APBA1: variants seen among roughly 807,000 people sequenced by gnomAD.
The protein encoded by APBA1 is amyloid-beta A4 precursor protein-binding family A member 1.
A neutral mutation model predicts 86.6 loss-of-function variants in APBA1; 55 were observed. The ratio of observed to expected loss-of-function variants is 0.64; its 90% CI spans 0.51 to 0.80. The LOEUF (loss-of-function observed/expected upper bound fraction) is 0.80. APBA1 is among the 30% of genes least tolerant of loss of function. The probability of loss-of-function intolerance (pLI) is 0.00; values close to 1 mark genes in which losing one functional copy is unlikely to be tolerated. For missense variants in APBA1, 1,090 were observed against 1,183.0 expected (o/e 0.92, Z 1.15); for synonymous variants, 511 against 493.9 (o/e 1.03, Z -0.46).
chr9:69,635,762 A>G (rs954394705), intron 1 of APBA1, among the ~76,000 whole-genome samples: 16 of 152,216 alleles, frequency 1.1e-4, no homozygotes, highest in African/African-American at 3.9e-4. Flanking sequence ...TCACTATATA[A>G]TGATAAAGGG....
chr9:69,468,963 C>A (rs945325962), intron 4 of APBA1, among the ~76,000 whole-genome samples: 1 of 151,542 alleles, frequency 6.6e-6, no homozygotes, highest in Non-Finnish European at 1.5e-5. Flanking sequence ...CTCCCAGGTT[C>A]AAGGGATCCT....
chr9:69,620,664 G>A (rs912995910), intron 1 of APBA1, among the ~76,000 whole-genome samples: 6 of 152,134 alleles, frequency 3.9e-5, no homozygotes, highest in South Asian at 4.1e-4. Flanking sequence ...GCGACAGAGC[G>A]AGACTCCATC....
intron 1 of APBA1, among the ~76,000 whole-genome samples, chr9:69,615,483 C>G (rs2133985243): frequency 6.6e-6 from 1 of 152,268 alleles, no homozygotes; most frequent in African/African-American, 2.4e-5. Context: ...CTTAAAATGC[C>G]TGGCTTCAAG....
At chr9:69,509,844 G>A (rs1474490128) in intron 2 of APBA1, among the ~76,000 whole-genome samples, 16 of 98,102 alleles carry the variant, frequency 1.6e-4, no homozygotes, top group African/African-American at 3.4e-4. Context: ...AATAGATGAA[G>A]AAAAGGCCTT....
At chr9:69,640,321 C>T (rs538483199) in intron 1 of APBA1, among the ~76,000 whole-genome samples, 27 of 152,046 alleles carry the variant, frequency 1.8e-4, no homozygotes, top group African/African-American at 5.3e-4. Context: ...CCCTCACTCC[C>T]GGGAAATAAA....
intron 1 of APBA1, among the ~76,000 whole-genome samples, chr9:69,541,699 A>G (rs1433733309): frequency 6.6e-6 from 1 of 152,178 alleles, no homozygotes; most frequent in Admixed American, 6.5e-5. Context: ...GAATTACTCA[A>G]TAAGTTAGTA....
At chr9:69,452,395 G>C in intron 8 of APBA1, 94 bp from the exon 9 acceptor site, 1 of 1,269,910 alleles carries the variant, frequency 7.9e-7, no homozygotes, top group Non-Finnish European at 1.1e-6. Context: ...GGCCCTCCTG[G>C]AGTCTGAGGA....
At chr9:69,434,759 A>G (rs1034866633) in intron 11 of APBA1, among the ~76,000 whole-genome samples, 3 of 151,830 alleles carry the variant, frequency 2.0e-5, no homozygotes, top group African/African-American at 7.3e-5. Context: ...GCATTCCAAC[A>G]GATGTTTATT....
chr9:69,576,720 C>A (rs918713944), intron 1 of APBA1, among the ~76,000 whole-genome samples: 1 of 151,632 alleles, frequency 6.6e-6, no homozygotes, highest in Non-Finnish European at 1.5e-5. Context: ...GTAGGGGGAG[C>A]GGGGAGGGAT....
chr9:69,539,740 C>T (rs1836573818), intron 1 of APBA1, among the ~76,000 whole-genome samples: 1 of 152,240 alleles, frequency 6.6e-6, no homozygotes, highest in Non-Finnish European at 1.5e-5. Context: ...CTGCTTTGCA[C>T]TCTCCTTTCC....
At chr9:69,565,562 C>T (rs1837012307) in intron 1 of APBA1, among the ~76,000 whole-genome samples, 1 of 152,190 alleles carries the variant, frequency 6.6e-6, no homozygotes, top group Admixed American at 6.5e-5. Flanking sequence ...TCATAATCTT[C>T]TACTCCCATC....
chr9:69,535,658 T>C (rs533487990), intron 1 of APBA1, among the ~76,000 whole-genome samples: 3 of 152,176 alleles, frequency 2.0e-5, no homozygotes, highest in Non-Finnish European at 4.4e-5. Flanking sequence ...AATGATCCTC[T>C]ACTTTTCTTA....
chr9:69,562,972 A>T (rs1321570767), intron 1 of APBA1, among the ~76,000 whole-genome samples: 1 of 152,238 alleles, frequency 6.6e-6, no homozygotes, highest in Non-Finnish European at 1.5e-5. Flanking sequence ...TGGTTTACAA[A>T]ATTTAGCTTG....
chr9:69,547,758 T>C (rs1836721152), intron 1 of APBA1, among the ~76,000 whole-genome samples: 1 of 152,220 alleles, frequency 6.6e-6, no homozygotes, highest in South Asian at 2.1e-4. Flanking sequence ...ACTTCAAGGC[T>C]GGAAGAAGAT....
chr9:69,576,741 G>A (rs1187887626), intron 1 of APBA1, among the ~76,000 whole-genome samples: 1 of 152,120 alleles, frequency 6.6e-6, no homozygotes, highest in Non-Finnish European at 1.5e-5. Flanking sequence ...AGCATTAGGA[G>A]ATATACCTAA....
intron 1 of APBA1, among the ~76,000 whole-genome samples, chr9:69,617,118 G>C (rs1822716483): frequency 6.6e-6 from 1 of 152,108 alleles, no homozygotes; most frequent in African/African-American, 2.4e-5. Flanking sequence ...TGCCATCCTT[G>C]TTGTTGATTC....
At chr9:69,525,082 CAAAAT>C (rs1554697173) in intron 1 of APBA1, among the ~76,000 whole-genome samples, 4 of 152,116 alleles carry the variant, frequency 2.6e-5, no homozygotes, top group Non-Finnish European at 5.9e-5. Context: ...GAACATACCT[CAAAAT>C]AATAAGAGCC....
At chr9:69,485,093 G>A (rs896952730) in intron 2 of APBA1, among the ~76,000 whole-genome samples, 8 of 151,934 alleles carry the variant, frequency 5.3e-5, no homozygotes, top group Non-Finnish European at 1.2e-4. Flanking sequence ...TGGGGTTACA[G>A]GTGTGAGCCA....
intron 1 of APBA1, among the ~76,000 whole-genome samples, chr9:69,652,597 C>G (rs1411111821): frequency 6.6e-6 from 1 of 152,052 alleles, no homozygotes; most frequent in Non-Finnish European, 1.5e-5. Flanking sequence ...AATAAGTAAC[C>G]AAAGGGCAGT....
Sources: allele counts gnomAD v4.1 joint callset (sites outside exome capture counted in the v4.1 genomes callset), GRCh38; gene constraint gnomAD v4.1.1; transcripts MANE v1.5; gene names NCBI Gene and HGNC (gene_info 2026-07-23, HGNC 2026-07-21).